Variants in PLEKHM2 observed in about 807,000 individuals in gnomAD.
The protein encoded by PLEKHM2 is pleckstrin homology and RUN domain containing M2, also known as pleckstrin homology domain-containing family M member 2.
PLEKHM2 carries 77 observed loss-of-function variants against 116.3 expected under a neutral mutation model. The ratio of observed to expected loss-of-function variants is 0.66; its 90% confidence interval spans 0.55 to 0.80. The LOEUF (loss-of-function observed/expected upper bound fraction) is 0.80, where lower values mean the gene tolerates loss of function less well. Among genes scored for constraint, PLEKHM2 ranks in the 30% least tolerant of loss-of-function variants. The probability of loss-of-function intolerance (pLI) is 0.00; values close to 1 mark genes in which losing one functional copy is unlikely to be tolerated. For synonymous variants in PLEKHM2, 562 were observed against 571.0 expected (o/e 0.98, Z 0.22); for missense variants, 1,183 against 1,354.9 (o/e 0.87, Z 1.99).
chr1:15,701,652 G>A (rs546003705), intron 1 of PLEKHM2, among the ~76,000 whole-genome samples: 7 of 151,472 alleles, frequency 4.6e-5, no homozygotes, highest in Non-Finnish European at 7.4e-5. Flanking sequence ...TTAGCTGGAC[G>A]TGGTGGCGGG....
At chr1:15,718,446 G>A (rs1012807990) in intron 4 of PLEKHM2, 92 bp from the exon 5 acceptor site, 1 of 767,128 alleles carries the variant, frequency 1.3e-6, no homozygotes, top group African/African-American at 1.7e-5. Flanking sequence ...GACATCACGT[G>A]TCAGATTTCA....
rs772221050 is a variant in PLEKHM2 at position 15,727,384 on chromosome 1, C to G, written c.1312C>G (p.Arg438Gly). The change falls in exon 9 of 20, where the codon CGG becomes GGG. Residue 438 changes from arginine (R) to glycine (G), a missense_variant. Coordinates refer to ENST00000375799, the MANE Select transcript of PLEKHM2 (RefSeq NM_015164.4). This position sits in a 1 kb window ranked among gnomAD's most constrained non-coding sequence, Gnocchi z 7.5. ...SRAEPPDQSF[R>G]TGSPGDAPER... ...TGCTGAGCCCCCAGACCAGTCCTTT[C>G]GGACCGGCTCTCCCGGGGATGCCCC... 1 of 1,602,324 alleles carries G rather than the reference C, an allele frequency of 6.2e-7. No homozygotes were observed. The highest frequency in any genetic ancestry group is 1.1e-5 in the South Asian group (1 of 89,450).
At chr1:15,725,241 G>C (rs1236881157) in intron 7 of PLEKHM2, 76 bp from the exon 8 acceptor site, 1 of 1,074,684 alleles carries the variant, frequency 9.3e-7, no homozygotes, top group East Asian at 2.6e-5. Context: ...CTCCCTCCTG[G>C]GCTAACGCAT....
chr1:15,725,844 T>C (rs1003560989), intron 8 of PLEKHM2: 2 of 435,630 alleles, frequency 4.6e-6, no homozygotes, highest in Non-Finnish European at 4.2e-6. Flanking sequence ...CAGCCTCTGA[T>C]GAGGGATTCA....
chr1:15,690,580 G>A lies in PLEKHM2; in HGVS notation c.60+5962G>A, dbSNP rs138937418. Among the ~76,000 whole-genome samples the A allele has an allele frequency of 1.0e-3, 155 of 152,304 alleles. 2 individuals carry two copies. In the East Asian group the frequency reaches 0.023, roughly 23 times the overall value. On this transcript the variant is annotated intron_variant, in intron 1 of 19. Transcript: ENST00000375799. Reference sequence around the variant, plus strand: ...CCACAGGCAGTAGTTCGCATACGACGCATGTGTTCATATGAAAAAGTCCTT... The same window carrying A: ...CCACAGGCAGTAGTTCGCATACGACACATGTGTTCATATGAAAAAGTCCTT...
rs553587753 is a variant in PLEKHM2, at chr1:15,713,670, C to T, written c.61-2567C>T. ...TTTGTTTTTGAGAAGGAGTCTTGCT[C>T]TGTTGCCCAGGCTGGAGTGCAGTGG... On this transcript the variant is annotated intron_variant, in intron 1 of 19. Coordinates refer to ENST00000375799, the MANE Select transcript of PLEKHM2 (RefSeq NM_015164.4). Among the ~76,000 whole-genome samples the T allele has an allele frequency of 2.0e-3, 298 of 151,716 alleles. 7 individuals carry two copies. Among genetic ancestry groups the T allele is most frequent in the Non-Finnish European group, 1.9e-3 (132 of 67,992 alleles).
chr1:15,705,528 A>T (rs1641208663), intron 1 of PLEKHM2, among the ~76,000 whole-genome samples: 1 of 151,696 alleles, frequency 6.6e-6, no homozygotes, highest in South Asian at 2.1e-4. Flanking sequence ...CCAGAGCTGA[A>T]CTCCACCTGA....
chr1:15,682,076 T>C (rs977032814), upstream of PLEKHM2, among the ~76,000 whole-genome samples: 2 of 152,034 alleles, frequency 1.3e-5, no homozygotes, highest in African/African-American at 4.8e-5. Context: ...TTTTATTCTG[T>C]ACTCTCAGCT....
chr1:15,687,114 G>T (rs188153818), intron 1 of PLEKHM2, among the ~76,000 whole-genome samples: 2,411 of 144,028 alleles, frequency 0.017, 128 homozygotes, highest in Admixed American at 0.1. Context: ...GTAGAGATGG[G>T]ATTTCGCCCA....
rs995066748 is a variant in PLEKHM2 at position 15,734,495 on chromosome 1, C to G, written c.*561C>G. The G allele has an allele frequency of 6.5e-6, 1 of 152,882 alleles. No individual in the cohort carries two copies. The highest frequency in any genetic ancestry group is 1.5e-5 in the Non-Finnish European group (1 of 68,590). 9.5% of individuals were successfully genotyped at this position (152,882 alleles called of 1,614,324 possible). On this transcript the variant is annotated 3_prime_UTR_variant, in exon 20 of 20. Coordinates refer to ENST00000375799, the MANE Select transcript of PLEKHM2 (RefSeq NM_015164.4). ...AGATGCAGGGGGGCGGGCAGCCCTC[C>G]CTGGCTGCCAGGAGGCTCTGCATGC...
intron 3 of PLEKHM2, 95 bp from the exon 4 acceptor site, chr1:15,717,798 T>C: frequency 2.6e-6 from 2 of 778,074 alleles, no homozygotes; most frequent in Non-Finnish European, 4.4e-6. Flanking sequence ...CTGGTCCCAT[T>C]ACCTGCTCTT....
At chr1:15,709,883 C>T (rs1641296460) in intron 1 of PLEKHM2, among the ~76,000 whole-genome samples, 1 of 152,068 alleles carries the variant, frequency 6.6e-6, no homozygotes, top group African/African-American at 2.4e-5. Flanking sequence ...TAGGAAGACT[C>T]AATATTGCAA....
In PLEKHM2 at chr1:15,727,109, C is replaced by G; in HGVS notation, c.1037C>G (p.Ala346Gly). Residue 346 changes from alanine (A) to glycine (G), a missense_variant, in exon 9 of 20, where the codon GCC (alanine) becomes GGC (glycine). Transcript: ENST00000375799. The surrounding 1 kb of genome is among the most constrained non-coding windows in gnomAD (Gnocchi z 7.5). ...LHPACSQKKC[A>G]KQGDGDSRNG... ...CCCGCCTGCAGCCAGAAGAAATGTGCCAAGCAGGGGGACGGTGACAGCCGC... is the reference window on the plus strand; with the variant it reads ...CCCGCCTGCAGCCAGAAGAAATGTGGCAAGCAGGGGGACGGTGACAGCCGC... The G allele has an allele frequency of 6.4e-7, 1 of 1,572,958 alleles. No homozygotes were observed. Among genetic ancestry groups the G allele is most frequent in the Non-Finnish European group, 8.6e-7 (1 of 1,158,876 alleles).
chr1:15,733,553 G>A (rs1427257396), intron 19 of PLEKHM2, among the ~76,000 whole-genome samples: 1 of 152,242 alleles, frequency 6.6e-6, no homozygotes, highest in Non-Finnish European at 1.5e-5. Flanking sequence ...TGCCTCGCTG[G>A]GCCATCCTGA....
chr1:15,693,639 A>G (rs1640931740), intron 1 of PLEKHM2, among the ~76,000 whole-genome samples: 2 of 152,198 alleles, frequency 1.3e-5, no homozygotes, highest in Non-Finnish European at 1.5e-5. Context: ...CATTATGGCT[A>G]ACACTCCGGA....
At chr1:15,730,046 T>G (rs931015306) in intron 14 of PLEKHM2, 117 bp downstream of exon 14, 4 of 164,248 alleles carry the variant, frequency 2.4e-5, no homozygotes, top group South Asian at 1.2e-4. Flanking sequence ...ATCGCCTACC[T>G]GGGCGGGGCG....
chr1:15,727,974 C>T lies in PLEKHM2; in HGVS notation c.1761-105C>T. 1.6e-6 allele frequency: 2 copies of T among 1,222,044 alleles called. No homozygotes were observed. Among genetic ancestry groups the T allele is most frequent in the Non-Finnish European group, 2.4e-6 (2 of 848,250 alleles). The allele number at this position is 1,222,044 out of a possible 1,614,324, so 75.7% of individuals were successfully genotyped here. ...TGTGAGCCTCCCTCCCTAACTTTGG[C>T]TCCTAGTGGGAGGCGGAGGCACTAC... is the stretch of plus-strand genomic sequence containing the variant. On this transcript the variant is annotated intron_variant, in intron 9 of 19. Transcript: ENST00000375799. This position sits in a 1 kb window ranked among gnomAD's most constrained non-coding sequence, Gnocchi z 7.5.
intron 4 of PLEKHM2, among the ~76,000 whole-genome samples, chr1:15,718,233 G>T (rs572193627): frequency 6.6e-5 from 10 of 152,354 alleles, no homozygotes; most frequent in South Asian, 6.2e-4. Context: ...CCTGACCAGT[G>T]CCCATGCTTT....
chr1:15,720,599 T>A, intron 6 of PLEKHM2: 1 of 402,774 alleles, frequency 2.5e-6, no homozygotes, highest in Non-Finnish European at 3.4e-6. Flanking sequence ...TTATCTCCTG[T>A]AGGAGACCAG....
Sources: gnomAD v4.1 joint callset for allele counts (sites outside exome capture counted in the v4.1 genomes callset) on GRCh38, gnomAD v4.1.1 for gene constraint, Gnocchi (gnomAD v3.1) non-coding constraint, MANE v1.5 for transcripts, NCBI Gene and HGNC (gene_info 2026-07-23, HGNC 2026-07-21) for gene names.